Variants in GPC5 observed in about 807,000 individuals in gnomAD.
GPC5 encodes glypican-5.
A neutral mutation model predicts 53.9 loss-of-function variants in GPC5; 47 were observed. That is an observed-to-expected ratio of 0.87 (90% confidence interval 0.69 to 1.11). GPC5 has a LOEUF of 1.11. Among genes scored for constraint, GPC5 ranks in the 50% most tolerant of loss-of-function variants. The pLI, the probability that GPC5 is intolerant of heterozygous loss-of-function variation, is 0.00. For synonymous variants in GPC5, 286 were observed against 263.3 expected, an observed-to-expected ratio of 1.09 and a Z score of -0.84; for missense variants, 748 against 713.1, an observed-to-expected ratio of 1.05 and a Z score of -0.56.
intron 7 of GPC5, among the ~76,000 whole-genome samples, chr13:92,860,944 T>C (rs933503795): frequency 2.0e-5 from 3 of 152,058 alleles, no homozygotes; most frequent in African/African-American, 7.2e-5. Context: ...CACCTAATTA[T>C]TGCTAAATGC....
At chr13:91,469,297 T>C (rs983919266) in intron 2 of GPC5, among the ~76,000 whole-genome samples, 9 of 152,016 alleles carry the variant, frequency 5.9e-5, no homozygotes, top group African/African-American at 2.2e-4. Flanking sequence ...TTGGTAGAGA[T>C]GGGGTTTTAT....
chr13:92,727,812 C>A (rs1245465306), intron 7 of GPC5, among the ~76,000 whole-genome samples: 1 of 151,270 alleles, frequency 6.6e-6, no homozygotes, highest in Non-Finnish European at 1.5e-5. Flanking sequence ...CTTTGGACTA[C>A]CTTCACCATC....
chr13:92,158,695 C>T (rs990820609), intron 7 of GPC5, among the ~76,000 whole-genome samples: 2 of 152,028 alleles, frequency 1.3e-5, no homozygotes, highest in Non-Finnish European at 1.5e-5. Flanking sequence ...ATCTCTTGCC[C>T]AATTGGTCAC....
At chr13:91,609,172 T>C (rs1002259117) in intron 2 of GPC5, among the ~76,000 whole-genome samples, 1 of 150,582 alleles carries the variant, frequency 6.6e-6, no homozygotes, top group Non-Finnish European at 1.5e-5. Context: ...CAGCACCAGC[T>C]CTCTGAAATT....
At chr13:91,723,833 A>T (rs2036524451) in intron 3 of GPC5, among the ~76,000 whole-genome samples, 1 of 152,190 alleles carries the variant, frequency 6.6e-6, no homozygotes, top group Admixed American at 6.5e-5. Context: ...ATAGTACAAT[A>T]GTCTGAAAAA....
At chr13:92,636,737 C>T (rs913662524) in intron 7 of GPC5, among the ~76,000 whole-genome samples, 1 of 152,108 alleles carries the variant, frequency 6.6e-6, no homozygotes, top group African/African-American at 2.4e-5. Context: ...CTTCCAAGTT[C>T]CTACCAAAGT....
At chr13:92,617,447 C>T (rs562937116) in intron 7 of GPC5, among the ~76,000 whole-genome samples, 1 of 152,238 alleles carries the variant, frequency 6.6e-6, no homozygotes, top group South Asian at 2.1e-4. Flanking sequence ...ATCTTTCTCC[C>T]TTCTGCTATT....
At chr13:92,035,195 A>G (rs1157667897) in intron 6 of GPC5, among the ~76,000 whole-genome samples, 1 of 144,652 alleles carries the variant, frequency 6.9e-6, no homozygotes, top group African/African-American at 2.6e-5. Context: ...AGCCTGGGCG[A>G]CAGAGCGAGA....
chr13:92,281,190 A>G (rs1382679273), intron 7 of GPC5, among the ~76,000 whole-genome samples: 3 of 152,304 alleles, frequency 2.0e-5, no homozygotes, highest in East Asian at 1.9e-4. Context: ...GGCGTCAGCA[A>G]GGCTGGGGTA....
At chr13:91,520,710 G>A (rs1885761517) in intron 2 of GPC5, among the ~76,000 whole-genome samples, 1 of 150,834 alleles carries the variant, frequency 6.6e-6, no homozygotes, top group African/African-American at 2.5e-5. Flanking sequence ...ATATATATGT[G>A]TGTGTGTGTA....
At chr13:92,264,249 A>G (rs2042785582) in intron 7 of GPC5, among the ~76,000 whole-genome samples, 1 of 152,178 alleles carries the variant, frequency 6.6e-6, no homozygotes, top group Admixed American at 6.5e-5. Flanking sequence ...AAGAAAATTA[A>G]TAAATGAAAC....
intron 7 of GPC5, among the ~76,000 whole-genome samples, chr13:92,862,886 A>T (rs1242046153): frequency 6.6e-6 from 1 of 152,222 alleles, no homozygotes; most frequent in Non-Finnish European, 1.5e-5. Flanking sequence ...AAGCATTTTT[A>T]AAATACGTAG....
At chr13:92,527,235 AAG>A (rs1264179206) in intron 7 of GPC5, among the ~76,000 whole-genome samples, 2 of 45,192 alleles carry the variant, frequency 4.4e-5, no homozygotes, top group African/African-American at 2.3e-4. Context: ...GAAAGAAAGA[AAG>A]AAAGAAAGAA....
chr13:92,717,735 A>G (rs567029089), intron 7 of GPC5, among the ~76,000 whole-genome samples: 54 of 152,344 alleles, frequency 3.5e-4, no homozygotes, highest in Admixed American at 2.3e-3. Context: ...TTTTCCTTCA[A>G]TTCATACAAA....
At chr13:91,836,118 A>G (rs558853633) in intron 5 of GPC5, among the ~76,000 whole-genome samples, 11 of 152,152 alleles carry the variant, frequency 7.2e-5, no homozygotes, top group Admixed American at 1.3e-4. Context: ...AAATTTAAAT[A>G]TTGTATGTTA....
chr13:91,895,198 C>T (rs2039428845), intron 5 of GPC5, among the ~76,000 whole-genome samples: 1 of 152,112 alleles, frequency 6.6e-6, no homozygotes, highest in South Asian at 2.1e-4. Flanking sequence ...CTGCCAATTC[C>T]TTCTGGAAGT....
chr13:92,312,334 G>A (rs891137559), intron 7 of GPC5, among the ~76,000 whole-genome samples: 4 of 151,558 alleles, frequency 2.6e-5, no homozygotes, highest in Admixed American at 6.6e-5. Context: ...TTGAGTGGGG[G>A]GAAAAAAAAC....
chr13:92,700,619 C>T (rs1175096597), intron 7 of GPC5, among the ~76,000 whole-genome samples: 2 of 151,994 alleles, frequency 1.3e-5, no homozygotes, highest in African/African-American at 4.8e-5. Flanking sequence ...TATTGCAATG[C>T]TGCCTAAATT....
At chr13:91,800,146 A>T (rs2038111359) in intron 5 of GPC5, among the ~76,000 whole-genome samples, 1 of 152,086 alleles carries the variant, frequency 6.6e-6, no homozygotes, top group Non-Finnish European at 1.5e-5. Context: ...TTTCCTGCAG[A>T]CTATGTGAGT....
Sources: allele counts gnomAD v4.1 joint callset (sites outside exome capture counted in the v4.1 genomes callset), GRCh38; gene constraint gnomAD v4.1.1; transcripts MANE v1.5; gene names NCBI Gene and HGNC (gene_info 2026-07-23, HGNC 2026-07-21).